Variants in SPRY3 observed in about 807,000 individuals in gnomAD.
SPRY3 encodes the protein protein sprouty homolog 3.
Under a neutral mutation model 20.2 loss-of-function variants are expected in SPRY3, and 15 were observed. The ratio of observed to expected loss-of-function variants is 0.74; its 90% CI spans 0.50 to 1.14. The LOEUF (loss-of-function observed/expected upper bound fraction) is 1.14, where lower values mean the gene tolerates loss of function less well. Ranked by LOEUF, SPRY3 falls within the 50% of genes most tolerant of loss-of-function variation. The probability of loss-of-function intolerance (pLI) is 0.00; values close to 1 mark genes in which losing one functional copy is unlikely to be tolerated. For synonymous variants in SPRY3, 143 were observed against 136.5 expected (o/e 1.05, Z -0.33); for missense variants, 364 against 363.9 (o/e 1.00, Z 0.00).
intron 2 of SPRY3, among the ~76,000 whole-genome samples, chrX:155,687,015 C>T (rs2068089682): frequency 8.9e-6 from 1 of 112,773 alleles, no homozygotes; most frequent in East Asian, 2.8e-4. Context: ...AAACATGATG[C>T]TGGTTTGTTG....
In SPRY3 at chrX:155,632,154, G is replaced by T. The variant is rs782461120; in HGVS notation, c.-441+19507G>T. Among the ~76,000 whole-genome samples, 3 of 108,244 alleles carry T rather than the reference G, an allele frequency of 2.8e-5. No homozygotes were observed. The South Asian group carries it at 1.2e-3, about 44-fold the overall frequency. 94.0% of individuals were successfully genotyped at this position (108,244 alleles called of 115,157 possible). A position where few individuals can be genotyped will look rare whatever the true frequency, so the allele number is the denominator to read the frequency against. On this transcript the variant is annotated intron_variant, in intron 1 of 3. Transcript: ENST00000675360. Reference sequence around the variant, plus strand: ...CTTTCGTGACATAATGTAGAGGAAGGAATATGAAAGCTTAGGGAGATAGGA... The same window carrying T: ...CTTTCGTGACATAATGTAGAGGAAGTAATATGAAAGCTTAGGGAGATAGGA...
chrX:155,687,569 T>C, intron 2 of SPRY3, among the ~76,000 whole-genome samples: 1 of 112,415 alleles, frequency 8.9e-6, no homozygotes, highest in Admixed American at 9.4e-5. Context: ...GCTCTATCCA[T>C]TTCTCAGTTA....
chrX:155,743,406 G>A (rs760692868), intron 2 of SPRY3, among the ~76,000 whole-genome samples: 3 of 152,148 alleles, frequency 2.0e-5, no homozygotes, highest in African/African-American at 7.2e-5. Flanking sequence ...AGGTATAAAT[G>A]ATGCTGAATA....
chrX:155,751,513 T>C (rs2091261891), intron 2 of SPRY3, among the ~76,000 whole-genome samples: 1 of 151,884 alleles, frequency 6.6e-6, no homozygotes, highest in Non-Finnish European at 1.5e-5. Flanking sequence ...TGTCAGGGCA[T>C]CTTACTGGTA....
chrX:155,778,607 T>G (rs1402059745), downstream of SPRY3: 1 of 167,058 alleles, frequency 6.0e-6, no homozygotes, highest in Non-Finnish European at 1.5e-5. Context: ...TCAACCTTAT[T>G]GATTATATTG....
At chrX:155,770,409 G>T (rs1228336829) in intron 3 of SPRY3, among the ~76,000 whole-genome samples, 1 of 152,116 alleles carries the variant, frequency 6.6e-6, no homozygotes, top group African/African-American at 2.4e-5. Flanking sequence ...CATAAGAAAA[G>T]AAATTTTTTT....
intron 2 of SPRY3, among the ~76,000 whole-genome samples, chrX:155,666,538 G>A (rs1443289514): frequency 2.7e-5 from 3 of 111,205 alleles, no homozygotes; most frequent in Non-Finnish European, 3.8e-5. Flanking sequence ...GGAAGCAGAA[G>A]CGTAAACAGA....
intron 1 of SPRY3, among the ~76,000 whole-genome samples, chrX:155,630,807 A>T (rs781861423): frequency 9.0e-6 from 1 of 111,437 alleles, no homozygotes; most frequent in South Asian, 3.8e-4. Flanking sequence ...GAATAAGCTT[A>T]GATCCCTTTC....
intron 2 of SPRY3, among the ~76,000 whole-genome samples, chrX:155,712,449 T>C (rs2090993374): frequency 6.6e-6 from 1 of 152,006 alleles, no homozygotes; most frequent in Non-Finnish European, 1.5e-5. Flanking sequence ...GACCTTTGTC[T>C]CTTCTTACAA....
At chrX:155,719,587 A>G (rs1335675403) in intron 2 of SPRY3, among the ~76,000 whole-genome samples, 3 of 151,934 alleles carry the variant, frequency 2.0e-5, no homozygotes, top group African/African-American at 7.3e-5. Flanking sequence ...TAAGGAAAGG[A>G]TAGGAAATAG....
intron 2 of SPRY3, among the ~76,000 whole-genome samples, chrX:155,737,748 G>C (rs2091178388): frequency 6.6e-6 from 1 of 152,090 alleles, no homozygotes; most frequent in Middle Eastern, 3.2e-3. Flanking sequence ...CCCAAATCAT[G>C]TGAAGCCTTT....
chrX:155,764,779 G>A (rs748272705), intron 2 of SPRY3, among the ~76,000 whole-genome samples: 9 of 152,232 alleles, frequency 5.9e-5, no homozygotes, highest in African/African-American at 2.2e-4. Context: ...AGGTGATTAG[G>A]CAAGGCTTTT....
intron 2 of SPRY3, among the ~76,000 whole-genome samples, chrX:155,728,101 G>T (rs2091110881): frequency 6.6e-6 from 1 of 152,166 alleles, no homozygotes; most frequent in Admixed American, 6.5e-5. Flanking sequence ...TCCAGAACCT[G>T]TTTGCCTGGG....
chrX:155,777,901 C>T (rs1306908724), downstream of SPRY3: 2 of 166,446 alleles, frequency 1.2e-5, no homozygotes, highest in African/African-American at 2.4e-5. Flanking sequence ...AAGAGTTTTC[C>T]TGTGGTTCCA....
At chrX:155,624,255 G>C (rs1345975726) in intron 1 of SPRY3, among the ~76,000 whole-genome samples, 1 of 111,399 alleles carries the variant, frequency 9.0e-6, no homozygotes, top group Non-Finnish European at 1.9e-5. Context: ...CTTCTCTCCA[G>C]GGATTCATCT....
intron 2 of SPRY3, among the ~76,000 whole-genome samples, chrX:155,675,064 T>A (rs1172979345): frequency 8.9e-6 from 1 of 111,866 alleles, no homozygotes; most frequent in Non-Finnish European, 1.9e-5. Flanking sequence ...TGTCTACTTT[T>A]TTATGATGAA....
chrX:155,662,503 C>G (rs944099512), intron 2 of SPRY3, among the ~76,000 whole-genome samples: 3 of 109,886 alleles, frequency 2.7e-5, no homozygotes, highest in Admixed American at 9.8e-5. Context: ...GGTTGTGCAG[C>G]TTTACTTCCA....
exon 4 of SPRY3, chrX:155,774,174 C>T: frequency 6.2e-7 from 1 of 1,614,000 alleles, no homozygotes; most frequent in Non-Finnish European, 8.5e-7. Flanking sequence ...GGCTCTTGGC[C>T]AGCATTACAC....
chrX:155,764,340 A>G (rs1460512460), intron 2 of SPRY3, among the ~76,000 whole-genome samples: 3 of 152,202 alleles, frequency 2.0e-5, no homozygotes, highest in Non-Finnish European at 2.9e-5. Flanking sequence ...TGCTACAACA[A>G]TCTAACAAGT....
Sources: gnomAD v4.1 joint callset for allele counts (sites outside exome capture counted in the v4.1 genomes callset) on GRCh38, gnomAD v4.1.1 for gene constraint, MANE v1.5 for transcripts, NCBI Gene and HGNC (gene_info 2026-07-23, HGNC 2026-07-21) for gene names.